Variants in CLIP1 observed in about 807,000 individuals in gnomAD.
CLIP1 encodes CAP-Gly domain-containing linker protein 1.
In CLIP1, 66 loss-of-function variants were observed where a neutral mutation model predicts 161.6. That is an observed-to-expected ratio of 0.41 (90% CI 0.33 to 0.50). CLIP1 has a LOEUF of 0.50. Among genes scored for constraint, CLIP1 ranks in the 20% least tolerant of loss-of-function variants. The pLI is 0.27. For missense variants in CLIP1, 1,376 were observed against 1,702.0 expected, an observed-to-expected ratio of 0.81 and a Z score of 3.37; for synonymous variants, 598 against 626.2, an observed-to-expected ratio of 0.96 and a Z score of 0.67.
chr12:122,313,113 A>T (rs1027285025), intron 19 of CLIP1, among the ~76,000 whole-genome samples: 4 of 152,194 alleles, frequency 2.6e-5, no homozygotes, highest in African/African-American at 9.7e-5. Context: ...ATGGAACGCT[A>T]CCAGCGTGTC....
rs1449980836 is a variant in CLIP1, at chr12:122,272,353, G to C, written c.*522C>G. ...TCAAGCCTGAAGTAAAGGCACTACTGATAACAGGTAGTGCAAAGAGCTCAG... is the reference window on the plus strand; with the variant it reads ...TCAAGCCTGAAGTAAAGGCACTACTCATAACAGGTAGTGCAAAGAGCTCAG... On this transcript the variant is annotated 3_prime_UTR_variant, in exon 26 of 26. Transcript: ENST00000620786. The C allele has an allele frequency of 6.3e-6, 1 of 157,882 alleles. No homozygotes were observed. Among genetic ancestry groups the C allele is most frequent in the Non-Finnish European group, 1.4e-5 (1 of 71,352 alleles). The allele number at this position is 157,882 out of a possible 1,614,324, so 9.8% of individuals were successfully genotyped here.
intron 20 of CLIP1, among the ~76,000 whole-genome samples, chr12:122,303,105 G>A (rs57071752): frequency 0.011 from 1,621 of 152,292 alleles, 33 homozygotes; most frequent in African/African-American, 0.037. Flanking sequence ...TTGATCTGGT[G>A]TGGTTTGGTC....
At chr12:122,394,713 GCA>G (rs201623938) in intron 1 of CLIP1, among the ~76,000 whole-genome samples, 118,938 of 151,036 alleles carry the variant, frequency 0.79, 47,108 homozygotes, top group East Asian at 0.85. Flanking sequence ...TGGTGGAACC[GCA>G]TCTCTACTAA....
At chr12:122,278,235 G>C in intron 23 of CLIP1, 32 bp from the exon 24 acceptor site, 1 of 1,166,584 alleles carries the variant, frequency 8.6e-7, no homozygotes, top group Non-Finnish European at 1.2e-6. Context: ...AAAAAAACAA[G>C]TGGAGGGAGA....
chr12:122,361,144 G>A lies in CLIP1; in HGVS notation c.820C>T (p.Pro274Ser), dbSNP rs751652682. Residue 274 changes from proline (P) to serine (S), a missense_variant, in exon 5 of 26, where the codon CCT (proline) becomes TCT (serine). Transcript: ENST00000620786. Reference sequence around the variant, plus strand: ...CCAATCTTGGTAACTTTGTGGACAGGAGCGAACAAGCCATATTTGGGTTGA... The same window carrying A: ...CCAATCTTGGTAACTTTGTGGACAGAAGCGAACAAGCCATATTTGGGTTGA... ...QCQPKYGLFAPVHKVTKIGFP... is the reference protein window; with the variant it reads ...QCQPKYGLFASVHKVTKIGFP... 6.2e-7 allele frequency: 1 copy of A among 1,614,100 alleles called. No homozygotes were observed. Among genetic ancestry groups the A allele is most frequent in the African/African-American group, 1.3e-5 (1 of 75,064 alleles).
chr12:122,373,549 A>G (rs1954562131), intron 3 of CLIP1, among the ~76,000 whole-genome samples: 1 of 151,922 alleles, frequency 6.6e-6, no homozygotes, highest in Non-Finnish European at 1.5e-5. Flanking sequence ...ACCAGGAAGG[A>G]CATACTTGTA....
At chr12:122,339,677 T>G (rs1952404436) in intron 11 of CLIP1, among the ~76,000 whole-genome samples, 1 of 152,200 alleles carries the variant, frequency 6.6e-6, no homozygotes, top group African/African-American at 2.4e-5. Flanking sequence ...TTTTTATACA[T>G]AACCCTATAG....
rs193195422 is a variant in CLIP1 at position 122,364,689 on chromosome 12, G to A, written c.658-582C>T. ...CAAAGTGTTGGGATTACAGGCGTGA[G>A]CCACCACTCTTGGACCTCACTTTAT... On this transcript the variant is annotated intron_variant, in intron 3 of 25. Coordinates refer to ENST00000620786, the MANE Select transcript of CLIP1 (RefSeq NM_001247997.2). The A allele has an allele frequency of 2.0e-4, 96 of 481,566 alleles. No individual in the cohort carries two copies. The East Asian group carries it at 4.8e-3, about 24-fold the overall frequency. The allele number at this position is 481,566 out of a possible 1,614,324, so 29.8% of individuals were successfully genotyped here.
intron 20 of CLIP1, among the ~76,000 whole-genome samples, chr12:122,305,688 C>T (rs905656556): frequency 3.9e-5 from 6 of 152,116 alleles, no homozygotes; most frequent in African/African-American, 1.4e-4. Context: ...GGAAATTTCA[C>T]ATCTGAGTCA....
At chr12:122,309,962 C>T in intron 19 of CLIP1, 80 bp from the exon 20 acceptor site, 1 of 1,530,372 alleles carries the variant, frequency 6.5e-7, no homozygotes, top group East Asian at 2.3e-5. Flanking sequence ...CTTCACAGCA[C>T]TGAAGAAAAT....
At chr12:122,343,187 G>C (rs1273652773) in intron 10 of CLIP1, 1 of 136,342 alleles carries the variant, frequency 7.3e-6, no homozygotes, top group South Asian at 2.2e-4. Context: ...GTTGCCCAGT[G>C]CAATGGCGCG....
Position 122,361,108 on chromosome 12 carries a change from T to A in CLIP1, c.856A>T (p.Thr286Ser). ...TTGGCCTTGGCTTTGGCTGGTGTAG[T>A]GGAAGGGAAGCCAATCTTGGTAACT... ...HKVTKIGFPS[T>S]TPAKAKANAV... is the part of the protein sequence containing the mutation. The change falls in exon 5 of 26, where the codon ACT (threonine) becomes TCT (serine). Residue 286 changes from threonine to serine, a missense_variant. Physicochemically the swap from Thr to Ser is moderately conservative, Grantham distance 58 (BLOSUM62 1). Around this residue, in one of 6 missense-constraint regions of CLIP1, gnomAD observed 211 missense variants for 295.1 expected, o/e 0.72. Transcript: ENST00000620786. 6.2e-7 allele frequency: 1 copy of A among 1,614,134 alleles called. No homozygotes were observed. Among genetic ancestry groups the A allele is most frequent in the Non-Finnish European group, 8.5e-7 (1 of 1,180,012 alleles).
chr12:122,339,105 A>G (rs1952374274), intron 11 of CLIP1, among the ~76,000 whole-genome samples: 1 of 152,194 alleles, frequency 6.6e-6, no homozygotes, highest in South Asian at 2.1e-4. Context: ...CTTTAAAGAT[A>G]AAGATGACAT....
intron 19 of CLIP1, among the ~76,000 whole-genome samples, chr12:122,313,616 C>G (rs1297452158): frequency 1.3e-5 from 2 of 151,944 alleles, no homozygotes; most frequent in Non-Finnish European, 2.9e-5. Flanking sequence ...ATCCCAGCTA[C>G]TGAGGCAGGA....
Position 122,357,607 on chromosome 12 carries a change from G to C in CLIP1, c.1006-2295C>G, listed in dbSNP as rs532606365. On this transcript the variant is annotated intron_variant, in intron 5 of 25. Coordinates refer to ENST00000620786, the MANE Select transcript of CLIP1 (RefSeq NM_001247997.2). ...GCCAGCCGCCCCGTCCGGAAGGTGA[G>C]GGGCGCCTCTGCCCGGCCACCCCTA... 1.0e-4 allele frequency among the ~76,000 whole-genome samples: 15 copies of C among 148,664 alleles called. No individual in the cohort carries two copies. The East Asian group carries it at 3.0e-3, about 30-fold the overall frequency.
At chr12:122,273,992 C>T in intron 25 of CLIP1, 46 bp downstream of exon 25, 2 of 1,592,082 alleles carry the variant, frequency 1.3e-6, no homozygotes, top group Non-Finnish European at 1.7e-6. Context: ...CTCGGCCTCC[C>T]AAAGTGCTGG....
chr12:122,355,374 G>C lies in CLIP1; in HGVS notation c.1006-62C>G. The C allele has an allele frequency of 2.1e-6, 3 of 1,456,072 alleles. No individual in the cohort carries two copies. The highest frequency in any genetic ancestry group is 2.9e-6 in the Non-Finnish European group (3 of 1,047,660). The allele number at this position is 1,456,072 out of a possible 1,614,324, so 90.2% of individuals were successfully genotyped here. A position where few individuals can be genotyped will look rare whatever the true frequency, so the allele number is the denominator to read the frequency against. On this transcript the variant is annotated intron_variant, in intron 5 of 25. Transcript: ENST00000620786. The surrounding 1 kb of genome is among the most constrained non-coding windows in gnomAD (Gnocchi z 4.1). Reference sequence around the variant, plus strand: ...GCTGTCAGAAAAGCGAGGGAGGCGCGATGCATGCATGGCGGGCATCTGCTC... The same window carrying C: ...GCTGTCAGAAAAGCGAGGGAGGCGCCATGCATGCATGGCGGGCATCTGCTC...
intron 20 of CLIP1, among the ~76,000 whole-genome samples, chr12:122,303,528 T>C (rs1476042920): frequency 1.3e-5 from 2 of 152,160 alleles, no homozygotes; most frequent in African/African-American, 2.4e-5. Context: ...AAGGTTGGGA[T>C]AGTTGAGGCT....
intron 15 of CLIP1, among the ~76,000 whole-genome samples, chr12:122,331,194 A>G (rs1321828481): frequency 6.6e-6 from 1 of 150,506 alleles, no homozygotes; most frequent in Non-Finnish European, 1.5e-5. Flanking sequence ...TTGTATCTTT[A>G]GTAGAGACGG....
Sources: allele counts gnomAD v4.1 joint callset (sites outside exome capture counted in the v4.1 genomes callset), GRCh38; gene constraint gnomAD v4.1.1; regional missense constraint gnomAD v4.1.1; non-coding constraint Gnocchi (gnomAD v3.1); transcripts MANE v1.5; gene names NCBI Gene and HGNC (gene_info 2026-07-23, HGNC 2026-07-21).